The following TIAM1 variants were observed in gnomAD, a reference collection of about 807,000 sequenced individuals.
TIAM1 encodes rho guanine nucleotide exchange factor TIAM1.
In TIAM1, 65 loss-of-function variants were observed where a neutral mutation model predicts 163.5. That is an observed-to-expected ratio of 0.40 (90% CI 0.33 to 0.49). The LOEUF (loss-of-function observed/expected upper bound fraction) is 0.49, where lower values mean the gene tolerates loss of function less well. Among genes scored for constraint, TIAM1 ranks in the 20% least tolerant of loss-of-function variants. The probability of loss-of-function intolerance (pLI) is 0.77; values close to 1 mark genes in which losing one functional copy is unlikely to be tolerated. For missense variants in TIAM1, 1,789 were observed against 2,044.7 expected (o/e 0.87, Z 2.41); for synonymous variants, 833 against 810.1 (o/e 1.03, Z -0.48).
At chr21:31,550,533 G>T (rs1237234223) in intron 1 of TIAM1, among the ~76,000 whole-genome samples, 2 of 152,172 alleles carry the variant, frequency 1.3e-5, no homozygotes, top group African/African-American at 4.8e-5. Flanking sequence ...TTCTTTTGGG[G>T]TGATGAAAGT....
chr21:31,538,507 AC>A (rs902452378), intron 1 of TIAM1, among the ~76,000 whole-genome samples: 4 of 152,214 alleles, frequency 2.6e-5, no homozygotes. Context: ...GTAAATATAT[AC>A]ATAATGTTAG....
At chr21:31,530,602 C>T (rs1048990606) in intron 1 of TIAM1, among the ~76,000 whole-genome samples, 1 of 152,308 alleles carries the variant, frequency 6.6e-6, no homozygotes, top group East Asian at 1.9e-4. Context: ...CACCCCAGTG[C>T]CCGACTGTAT....
chr21:31,164,438 A>G (rs1407594733), intron 16 of TIAM1, among the ~76,000 whole-genome samples: 1 of 152,134 alleles, frequency 6.6e-6, no homozygotes, highest in Non-Finnish European at 1.5e-5. Context: ...GTCTTGCACC[A>G]AAAAGTCAGG....
chr21:31,154,527 T>C lies in TIAM1; in HGVS notation c.2992-101A>G. 5 of 1,199,558 alleles carry C rather than the reference T, an allele frequency of 4.2e-6. No individual in the cohort carries two copies. The South Asian group carries it at 4.8e-5, about 12-fold the overall frequency. The allele number at this position is 1,199,558 out of a possible 1,614,324, so 74.3% of individuals were successfully genotyped here. On this transcript the variant is annotated intron_variant, in intron 16 of 27. Coordinates refer to ENST00000541036, the MANE Select transcript of TIAM1 (RefSeq NM_001353694.2). ...GAGGTGTTCTCCCTGGTTAGTCAACTGTCACATATGAATGTCGTCTTGTGT... is the reference window on the plus strand; with the variant it reads ...GAGGTGTTCTCCCTGGTTAGTCAACCGTCACATATGAATGTCGTCTTGTGT...
At chr21:31,357,472 A>G (rs2076334551) in intron 2 of TIAM1, among the ~76,000 whole-genome samples, 1 of 152,152 alleles carries the variant, frequency 6.6e-6, no homozygotes, top group Admixed American at 6.5e-5. Flanking sequence ...CTGTTGATGT[A>G]GACAACTATC....
intron 2 of TIAM1, among the ~76,000 whole-genome samples, chr21:31,398,122 T>C (rs530200077): frequency 2.8e-4 from 35 of 125,006 alleles, no homozygotes; most frequent in African/African-American, 1.1e-3. Context: ...GCACAGGAAG[T>C]GCCTAATCTC....
intron 1 of TIAM1, among the ~76,000 whole-genome samples, chr21:31,544,609 C>T (rs920826318): frequency 2.6e-5 from 4 of 152,012 alleles, no homozygotes; most frequent in South Asian, 2.1e-4. Flanking sequence ...GCCTGGGTAA[C>T]AGAGCAAGAC....
intron 6 of TIAM1, among the ~76,000 whole-genome samples, chr21:31,228,241 A>ATT (rs1569068860): frequency 2.1e-5 from 1 of 46,728 alleles, no homozygotes; most frequent in African/African-American, 4.5e-5. Context: ...AAAAAAAAAA[A>ATT]AAAAAAAAAA....
intron 16 of TIAM1, among the ~76,000 whole-genome samples, chr21:31,159,747 A>C (rs2083810625): frequency 6.6e-6 from 1 of 152,240 alleles, no homozygotes; most frequent in African/African-American, 2.4e-5. Flanking sequence ...CACAACATCT[A>C]ATAGTCGACA....
rs146561466 is a variant in TIAM1 at position 31,307,424 on chromosome 21, C to T, written c.-188-30516G>A. Among the ~76,000 whole-genome samples, 616 of 152,246 alleles carry T rather than the reference C, an allele frequency of 4.0e-3. 3 individuals are homozygous for T. The highest frequency in any genetic ancestry group is 0.01 in the Middle Eastern group (3 of 294). On this transcript the variant is annotated intron_variant, in intron 2 of 27. Coordinates refer to ENST00000541036, the MANE Select transcript of TIAM1 (RefSeq NM_001353694.2). Reference sequence around the variant, plus strand: ...CCTGCATCCAAGAGTCCCAGGACACCATCCAGAACACGGCCAGAACTAAGG... The same window carrying T: ...CCTGCATCCAAGAGTCCCAGGACACTATCCAGAACACGGCCAGAACTAAGG...
intron 1 of TIAM1, among the ~76,000 whole-genome samples, chr21:31,492,500 A>T (rs1262831822): frequency 2.6e-5 from 4 of 152,168 alleles, no homozygotes. Flanking sequence ...TTAAAGACTG[A>T]TCAAGGACTC....
rs1326016846 is a variant in TIAM1, at chr21:31,225,863, C to T, written c.1672G>A (p.Asp558Asn). Residue 558 changes from aspartate to asparagine, a missense_variant, in exon 7 of 28, where the codon GAC becomes AAC. This residue lies in a region of TIAM1 where 456 missense variants were observed against 586.6 expected (regional missense o/e 0.78). Coordinates refer to ENST00000541036, the MANE Select transcript of TIAM1 (RefSeq NM_001353694.2). ...TAVARHHHKE[D>N]TLRLLKSEIK... ...TCTGATTTCAGGAGTCGGAGCGTGT[C>T]TTCCTTGTGGTGGTGCCTCGCGACC... is the stretch of plus-strand genomic sequence containing the variant. 6.2e-7 allele frequency: 1 copy of T among 1,614,008 alleles called. No homozygotes were observed. Among genetic ancestry groups the T allele is most frequent in the Non-Finnish European group, 8.5e-7 (1 of 1,180,024 alleles).
chr21:31,210,811 AAAGGT>A (rs2086848300), intron 10 of TIAM1, among the ~76,000 whole-genome samples: 1 of 148,134 alleles, frequency 6.8e-6, no homozygotes, highest in African/African-American at 2.5e-5. Context: ...AGAAAGAAAG[AAAGGT>A]CACCATTCAG....
At chr21:31,547,871 G>A (rs76863294) in intron 1 of TIAM1, among the ~76,000 whole-genome samples, 3,557 of 152,266 alleles carry the variant, frequency 0.023, 148 homozygotes, top group African/African-American at 0.082. Context: ...GCATGACACA[G>A]TTATTAGCAA....
intron 15 of TIAM1, among the ~76,000 whole-genome samples, chr21:31,168,316 T>C (rs2146378353): frequency 6.6e-6 from 1 of 152,168 alleles, no homozygotes; most frequent in African/African-American, 2.4e-5. Context: ...GGTCTTGAAC[T>C]CTTGACCTCA....
chr21:31,260,222 A>T (rs981430525), intron 4 of TIAM1, among the ~76,000 whole-genome samples: 3 of 146,530 alleles, frequency 2.0e-5, no homozygotes, highest in African/African-American at 7.4e-5. Context: ...TATTAATAAA[A>T]TATATATATA....
chr21:31,214,088 G>A (rs1296999467), intron 9 of TIAM1, among the ~76,000 whole-genome samples: 3 of 152,070 alleles, frequency 2.0e-5, no homozygotes, highest in Non-Finnish European at 4.4e-5. Flanking sequence ...ACTTTGGGAG[G>A]CTGAGGCAGG....
At chr21:31,409,196 C>T (rs1321261585) in intron 2 of TIAM1, among the ~76,000 whole-genome samples, 1 of 151,972 alleles carries the variant, frequency 6.6e-6, no homozygotes, top group East Asian at 1.9e-4. Context: ...CTGCAACCAC[C>T]ACCTCCTGGG....
intron 6 of TIAM1, among the ~76,000 whole-genome samples, chr21:31,232,116 A>C (rs1251382108): frequency 5.3e-5 from 8 of 152,134 alleles, no homozygotes; most frequent in Non-Finnish European, 4.4e-5. Context: ...TAGATGGTAA[A>C]TTTTATGTGT....
Sources: gnomAD v4.1 joint callset for allele counts (sites outside exome capture counted in the v4.1 genomes callset) on GRCh38, gnomAD v4.1.1 for gene constraint, gnomAD v4.1.1 regional missense constraint, MANE v1.5 for transcripts, NCBI Gene and HGNC (gene_info 2026-07-23, HGNC 2026-07-21) for gene names.